The following KHDRBS2 variants were observed in gnomAD, a reference collection of about 807,000 sequenced individuals.
The protein encoded by KHDRBS2 is KH RNA binding domain containing, signal transduction associated 2, also known as KH domain-containing, RNA-binding, signal transduction-associated protein 2.
In KHDRBS2, 26 loss-of-function variants were observed where a neutral mutation model predicts 44.3. The ratio of observed to expected loss-of-function variants is 0.59; its 90% CI spans 0.43 to 0.81. The LOEUF (loss-of-function observed/expected upper bound fraction) is 0.81. Among genes scored for constraint, KHDRBS2 ranks in the 40% least tolerant of loss-of-function variants. The pLI is 0.00. For missense variants in KHDRBS2, 476 were observed against 433.1 expected (o/e 1.10, Z -0.88); for synonymous variants, 194 against 151.1 (o/e 1.28, Z -2.08).
At chr6:61,544,268 A>G in the KHDRBS2 span, among the ~76,000 whole-genome samples, 3 of 152,052 alleles carry the variant, frequency 2.0e-5, no homozygotes, top group African/African-American at 7.2e-5. Flanking sequence ...TATAAGTTTT[A>G]AAAAAGCATT....
At chr6:61,549,204 T>C in the KHDRBS2 span, among the ~76,000 whole-genome samples, 2 of 152,034 alleles carry the variant, frequency 1.3e-5, no homozygotes, top group Non-Finnish European at 2.9e-5. Context: ...GTATGAGATA[T>C]AAGAAAAAAA....
At chr6:61,572,056 T>C in the KHDRBS2 span, among the ~76,000 whole-genome samples, 3 of 152,022 alleles carry the variant, frequency 2.0e-5, no homozygotes, top group Non-Finnish European at 2.9e-5. Context: ...ATATACCAAA[T>C]TGATAGATCA....
rs746114963 is a variant in KHDRBS2, at chr6:62,076,734, C to A, written c.220-28740G>T. ...CACTGACGAGAATGGAAGGGATGCT[C>A]AATAGTATTTGCTGAAAGACCAAAT... On this transcript the variant is annotated intron_variant, in intron 2 of 8. Transcript: ENST00000281156. 4.6e-5 allele frequency among the ~76,000 whole-genome samples: 7 copies of A among 151,950 alleles called. No homozygotes were observed. In the South Asian group the frequency reaches 1.5e-3, roughly 31 times the overall value.
At chr6:62,032,971 A>G (rs950707435) in intron 3 of KHDRBS2, among the ~76,000 whole-genome samples, 8 of 151,996 alleles carry the variant, frequency 5.3e-5, no homozygotes, top group African/African-American at 1.9e-4. Flanking sequence ...TCAAGATAAC[A>G]CAGAAAAGGA....
At chr6:61,568,177 C>T in the KHDRBS2 span, among the ~76,000 whole-genome samples, 1 of 152,096 alleles carries the variant, frequency 6.6e-6, no homozygotes. Context: ...TCTGGGTTCT[C>T]TAATCTGTTC....
intron 6 of KHDRBS2, among the ~76,000 whole-genome samples, chr6:61,748,837 T>C (rs1276965719): frequency 6.6e-6 from 1 of 152,140 alleles, no homozygotes; most frequent in African/African-American, 2.4e-5. Flanking sequence ...TAGCTCTTCC[T>C]GTGCTAATGG....
intron 1 of KHDRBS2, among the ~76,000 whole-genome samples, chr6:62,199,803 A>C (rs939851089): frequency 2.6e-5 from 4 of 152,056 alleles, no homozygotes; most frequent in South Asian, 2.1e-4. Flanking sequence ...AAGAAGAAAG[A>C]TGGAGGCATC....
At chr6:61,814,001 G>C (rs1220733957) in intron 6 of KHDRBS2, 5 of 455,782 alleles carry the variant, frequency 1.1e-5, no homozygotes, top group Non-Finnish European at 2.2e-5. Flanking sequence ...CTTCGTCCTG[G>C]GTTAAGTCTG....
intron 1 of KHDRBS2, among the ~76,000 whole-genome samples, chr6:62,251,398 A>G (rs1193607586): frequency 2.6e-5 from 4 of 151,924 alleles, no homozygotes; most frequent in African/African-American, 9.7e-5. Context: ...GTGTTTATGA[A>G]CTATTTTTAT....
At chr6:61,771,175 T>G (rs944839039) in intron 6 of KHDRBS2, among the ~76,000 whole-genome samples, 1 of 152,012 alleles carries the variant, frequency 6.6e-6, no homozygotes, top group African/African-American at 2.4e-5. Flanking sequence ...CTAAAAGAAC[T>G]CCTGAAGGAA....
chr6:62,084,578 T>C (rs1259196376), intron 2 of KHDRBS2, among the ~76,000 whole-genome samples: 3 of 152,214 alleles, frequency 2.0e-5, no homozygotes, highest in Admixed American at 6.5e-5. Context: ...GAAAATTGTT[T>C]ATGGGGCTAT....
At chr6:62,037,943 T>A (rs1315974663) in intron 3 of KHDRBS2, among the ~76,000 whole-genome samples, 1 of 152,064 alleles carries the variant, frequency 6.6e-6, no homozygotes, top group Admixed American at 6.6e-5. Context: ...AAAGGAAATC[T>A]ATTCATAATG....
the KHDRBS2 span, among the ~76,000 whole-genome samples, chr6:61,574,082 A>G: frequency 8.5e-5 from 13 of 152,206 alleles, no homozygotes; most frequent in Non-Finnish European, 1.6e-4. Flanking sequence ...TTAGCAAGCC[A>G]TATGTAAAAA....
At chr6:61,728,877 T>C (rs1394941111) in intron 7 of KHDRBS2, among the ~76,000 whole-genome samples, 2 of 152,122 alleles carry the variant, frequency 1.3e-5, no homozygotes, top group African/African-American at 4.8e-5. Context: ...CAAGTGAAGG[T>C]TTGTTATTAG....
intron 2 of KHDRBS2, among the ~76,000 whole-genome samples, chr6:62,118,432 G>A (rs77053418): frequency 0.075 from 11,373 of 152,148 alleles, 458 homozygotes; most frequent in African/African-American, 0.086. Context: ...TATTGCTAAG[G>A]AGAATGTCAT....
At chr6:62,180,660 A>G (rs1822078612) in intron 1 of KHDRBS2, among the ~76,000 whole-genome samples, 1 of 151,880 alleles carries the variant, frequency 6.6e-6, no homozygotes, top group South Asian at 2.1e-4. Flanking sequence ...TCAAAATCCC[A>G]ATGACATTTT....
intron 2 of KHDRBS2, among the ~76,000 whole-genome samples, chr6:62,080,325 CAG>C (rs1203934969): frequency 2.0e-5 from 3 of 152,026 alleles, no homozygotes; most frequent in African/African-American, 4.8e-5. Flanking sequence ...ATCTATTTTA[CAG>C]AGTGCCAAAA....
Position 62,059,209 on chromosome 6 carries a change from T to TTG in KHDRBS2, c.220-11216_220-11215insCA, listed in dbSNP as rs1279235582. On this transcript the variant is annotated intron_variant, in intron 2 of 8. Coordinates refer to ENST00000281156, the MANE Select transcript of KHDRBS2 (RefSeq NM_152688.4). ...AGAAAAGTTAGGAAGTTTTTTTTTT[T>TTG]TTTTTTTTTTTTTTTTTTTTTTTTT... is the stretch of plus-strand genomic sequence containing the variant. Among the ~76,000 whole-genome samples the TTG allele has an allele frequency of 1.2e-3, 133 of 113,648 alleles. 1 individual carries two copies. Among genetic ancestry groups the TTG allele is most frequent in the Non-Finnish European group, 1.7e-3 (99 of 56,956 alleles). 74.6% of individuals were successfully genotyped at this position (113,648 alleles called of 152,430 possible). A position where few individuals can be genotyped will look rare whatever the true frequency, so the allele number is the denominator to read the frequency against.
intron 6 of KHDRBS2, among the ~76,000 whole-genome samples, chr6:61,845,986 T>C (rs565212588): frequency 6.6e-6 from 1 of 151,982 alleles, no homozygotes; most frequent in Non-Finnish European, 1.5e-5. Flanking sequence ...TGATAGTGAG[T>C]TTTCATGAGA....
Sources: gnomAD v4.1 joint callset for allele counts (sites outside exome capture counted in the v4.1 genomes callset) on GRCh38, gnomAD v4.1.1 for gene constraint, MANE v1.5 for transcripts, NCBI Gene and HGNC (gene_info 2026-07-23, HGNC 2026-07-21) for gene names.